The following MIS18A variants were observed in gnomAD, a reference collection of about 807,000 sequenced individuals.
The protein encoded by MIS18A is MIS18 kinetochore protein A, also known as protein Mis18-alpha.
A neutral mutation model predicts 25.0 loss-of-function variants in MIS18A; 14 were observed. That is an observed-to-expected ratio of 0.56 (90% CI 0.37 to 0.88). MIS18A has a LOEUF of 0.88. Among genes scored for constraint, MIS18A ranks in the 40% least tolerant of loss-of-function variants. The probability of loss-of-function intolerance (pLI) is 0.00; values close to 1 mark genes in which losing one functional copy is unlikely to be tolerated. For synonymous variants in MIS18A, 134 were observed against 118.6 expected (o/e 1.13, Z -0.84); for missense variants, 292 against 290.8 (o/e 1.00, Z -0.03).
chr21:32,254,943 T>C, the MIS18A span, among the ~76,000 whole-genome samples: 9 of 152,230 alleles, frequency 5.9e-5, no homozygotes, highest in Non-Finnish European at 1.5e-5. Context: ...AAGTGAACTA[T>C]TCAATATTGT....
the MIS18A span, among the ~76,000 whole-genome samples, chr21:32,192,102 C>T: frequency 6.6e-6 from 1 of 152,164 alleles, no homozygotes; most frequent in Non-Finnish European, 1.5e-5. Context: ...AATCATGGTG[C>T]TGATTGAATT....
the MIS18A span, among the ~76,000 whole-genome samples, chr21:32,215,162 A>G: frequency 2.0e-5 from 3 of 152,324 alleles, no homozygotes; most frequent in Admixed American, 2.0e-4. Flanking sequence ...AGGGACAGAC[A>G]GAGACTAACG....
intron 2 of MIS18A, among the ~76,000 whole-genome samples, chr21:32,274,194 CTTCTT>C (rs1373327237): frequency 5.9e-4 from 63 of 106,238 alleles, no homozygotes; most frequent in Non-Finnish European, 8.0e-4. Context: ...ATTTCCTTTT[CTTCTT>C]TTTTTTTTTT....
At chr21:32,242,400 A>AT in the MIS18A span, among the ~76,000 whole-genome samples, 228 of 152,026 alleles carry the variant, frequency 1.5e-3, 1 homozygote, top group Admixed American at 2.0e-3. Flanking sequence ...AATATACATC[A>AT]TTTTTTTCAT....
the MIS18A span, among the ~76,000 whole-genome samples, chr21:32,215,868 C>T: frequency 6.6e-6 from 1 of 152,018 alleles, no homozygotes; most frequent in Non-Finnish European, 1.5e-5. Flanking sequence ...GAGGTTTTTC[C>T]CACTATTTGT....
the MIS18A span, among the ~76,000 whole-genome samples, chr21:32,245,136 G>A: frequency 2.0e-5 from 3 of 152,110 alleles, no homozygotes; most frequent in Non-Finnish European, 2.9e-5. Context: ...GAAGGCTCAC[G>A]CCATTGATTT....
At chr21:32,168,657 G>T in the MIS18A span, among the ~76,000 whole-genome samples, 1 of 152,160 alleles carries the variant, frequency 6.6e-6, no homozygotes, top group Non-Finnish European at 1.5e-5. Context: ...TCTGGGAAGG[G>T]CAAAGGTACT....
At chr21:32,178,719 G>C in the MIS18A span, among the ~76,000 whole-genome samples, 1 of 152,248 alleles carries the variant, frequency 6.6e-6, no homozygotes, top group East Asian at 1.9e-4. Context: ...AATACATTGA[G>C]CTTGTTGAGT....
intron 2 of MIS18A, among the ~76,000 whole-genome samples, chr21:32,271,287 T>C (rs952400723): frequency 2.0e-5 from 3 of 152,228 alleles, no homozygotes; most frequent in Non-Finnish European, 2.9e-5. Flanking sequence ...AATCTAGTAG[T>C]GATCACAGTA....
the MIS18A span, among the ~76,000 whole-genome samples, chr21:32,215,161 C>T: frequency 4.6e-5 from 7 of 152,186 alleles, no homozygotes; most frequent in African/African-American, 1.7e-4. Context: ...CAGGGACAGA[C>T]AGAGACTAAC....
chr21:32,244,401 T>C, the MIS18A span, among the ~76,000 whole-genome samples: 2 of 152,152 alleles, frequency 1.3e-5, no homozygotes, highest in Non-Finnish European at 2.9e-5. Context: ...TTTTTACTAA[T>C]TTGATCCTTT....
At chr21:32,235,727 G>A in the MIS18A span, among the ~76,000 whole-genome samples, 57 of 152,194 alleles carry the variant, frequency 3.7e-4, no homozygotes, top group Non-Finnish European at 7.8e-4. Flanking sequence ...GAGACACCGC[G>A]TTCAGGCACG....
At chr21:32,263,807 C>CTTT (rs60800890), downstream of MIS18A, among the ~76,000 whole-genome samples, 19 of 121,106 alleles carry the variant, frequency 1.6e-4, no homozygotes, top group Admixed American at 1.6e-3. Flanking sequence ...GGGAAGCCTT[C>CTTT]TTTTTTTTTT....
chr21:32,235,283 A>T, the MIS18A span, among the ~76,000 whole-genome samples: 2 of 152,330 alleles, frequency 1.3e-5, no homozygotes, highest in South Asian at 4.1e-4. Context: ...TGACTAATAA[A>T]GTCCAGCCCT....
chr21:32,177,804 T>C, the MIS18A span, among the ~76,000 whole-genome samples: 1 of 152,112 alleles, frequency 6.6e-6, no homozygotes, highest in African/African-American at 2.4e-5. Context: ...AAGAGAGAGA[T>C]GATGTTCATG....
the MIS18A span, among the ~76,000 whole-genome samples, chr21:32,232,304 A>C: frequency 2.0e-5 from 3 of 151,928 alleles, no homozygotes; most frequent in African/African-American, 7.2e-5. Flanking sequence ...ATAGATATAA[A>C]GATATATCTA....
At chr21:32,266,861 G>A (rs924810904), downstream of MIS18A, among the ~76,000 whole-genome samples, 8 of 152,068 alleles carry the variant, frequency 5.3e-5, no homozygotes, top group Non-Finnish European at 7.4e-5. Flanking sequence ...CTTCCCCAGG[G>A]CTCATTTACC....
At chr21:32,217,615 G>T in the MIS18A span, among the ~76,000 whole-genome samples, 1 of 152,130 alleles carries the variant, frequency 6.6e-6, no homozygotes, top group African/African-American at 2.4e-5. Flanking sequence ...CATCCAACTA[G>T]CTCAACAACC....
At position 32,268,922 on chromosome 21, in the gene MIS18A, C is replaced by T; in HGVS notation, c.*115G>A. ...CCTCCCACCTCAGCGTTTCGCATGC[C>T]TGGCTAATTTTTTTTTTCTTTTTTT... On this transcript the variant is annotated 3_prime_UTR_variant, in exon 5 of 5. Coordinates refer to ENST00000290130, the MANE Select transcript of MIS18A (RefSeq NM_018944.3). The T allele has an allele frequency of 1.3e-6, 1 of 763,650 alleles. No individual in the cohort carries two copies. The highest frequency in any genetic ancestry group is 2.0e-6 in the Non-Finnish European group (1 of 489,512). The allele number at this position is 763,650 out of a possible 1,614,324, so 47.3% of individuals were successfully genotyped here.
Sources: gnomAD v4.1 joint callset for allele counts (sites outside exome capture counted in the v4.1 genomes callset) on GRCh38, gnomAD v4.1.1 for gene constraint, MANE v1.5 for transcripts, NCBI Gene and HGNC (gene_info 2026-07-23, HGNC 2026-07-21) for gene names.